The following F10 variants were observed in gnomAD, a reference collection of about 807,000 sequenced individuals.
F10 encodes coagulation factor X, also known as Stuart-Prower factor.
F10 carries 29 observed loss-of-function variants against 37.1 expected under a neutral mutation model. That is an observed-to-expected ratio of 0.78 (90% CI 0.58 to 1.07). The LOEUF is 1.07. Ranked by LOEUF, F10 falls within the 50% of genes least tolerant of loss-of-function variation. The pLI is 0.00. For missense variants in F10, 539 were observed against 667.9 expected (o/e 0.81, Z 2.13); for synonymous variants, 262 against 268.6 (o/e 0.98, Z 0.24).
intron 2 of F10, chr13:113,131,734 G>C (rs572862937): frequency 6.6e-6 from 1 of 152,248 alleles, no homozygotes; most frequent in East Asian, 1.9e-4. Flanking sequence ...TCTCTAAGAG[G>C]GTCTCACTGA....
chr13:113,140,889 C>T, intron 4 of F10, 30 bp from the exon 5 acceptor site: 4 of 1,613,840 alleles, frequency 2.5e-6, no homozygotes, highest in Non-Finnish European at 3.4e-6. Context: ...CTCCAGCTGT[C>T]CCCAGAGCCA....
At chr13:113,129,700 C>A in intron 2 of F10, 88 bp downstream of exon 2, 1 of 1,567,192 alleles carries the variant, frequency 6.4e-7, no homozygotes, top group Non-Finnish European at 8.8e-7. Flanking sequence ...TCCAGGGGGG[C>A]GGCCTGGAGG....
At chr13:113,133,077 G>A (rs2036448036) in intron 2 of F10, among the ~76,000 whole-genome samples, 1 of 152,058 alleles carries the variant, frequency 6.6e-6, no homozygotes, top group Non-Finnish European at 1.5e-5. Context: ...AAATCTGTGG[G>A]ATGCAGCTAA....
chr13:113,143,701 G>GAA lies in F10; in HGVS notation c.503-150_503-149insAA. 9 of 1,157,478 alleles carry GAA rather than the reference G, an allele frequency of 7.8e-6. No individual in the cohort carries two copies. The highest frequency in any genetic ancestry group is 6.8e-5 in the South Asian group (4 of 58,912). The allele number at this position is 1,157,478 out of a possible 1,614,324, so 71.7% of individuals were successfully genotyped here. ...TGCAGATCCGACCCCTGCCGACGAC[G>GAA]TGGGGCCTCGCCCTGCAAGCCCGCT... On this transcript the variant is annotated intron_variant, in intron 5 of 7. Coordinates refer to ENST00000375559, the MANE Select transcript of F10 (RefSeq NM_000504.4). This position sits in a 1 kb window ranked among gnomAD's most constrained non-coding sequence, Gnocchi z 6.8.
chr13:113,145,957 C>A (rs537831341), intron 6 of F10, among the ~76,000 whole-genome samples: 1 of 152,284 alleles, frequency 6.6e-6, no homozygotes, highest in African/African-American at 2.4e-5. Flanking sequence ...TTTTCTCTGG[C>A]AATCCTCACT....
rs1566922905 is a variant in F10, at chr13:113,149,414, T to C, written c.1364T>C (p.Val455Ala). The C allele has an allele frequency of 1.2e-6, 2 of 1,613,222 alleles. No individual in the cohort carries two copies. The highest frequency in any genetic ancestry group is 1.7e-6 in the Non-Finnish European group (2 of 1,179,826). Reference protein sequence around the residue: ...RKGKYGIYTKVTAFLKWIDRS... With the variant: ...RKGKYGIYTKATAFLKWIDRS... ...GGGAAGTACGGGATCTACACCAAGG[T>C]CACCGCCTTCCTCAAGTGGATCGAC... Residue 455 changes from valine (V) to alanine (A), a missense_variant, in exon 8 of 8, where the codon GTC becomes GCC. Physicochemically the swap from Val to Ala is moderately conservative, Grantham distance 64. This residue lies in a region of F10 where 409 missense variants were observed against 547.9 expected (regional missense o/e 0.75). Transcript: ENST00000375559. This position sits in a 1 kb window ranked among gnomAD's most constrained non-coding sequence, Gnocchi z 7.5.
Position 113,122,874 on chromosome 13 carries a change from C to A in F10, c.19C>A (p.Leu7Ile), listed in dbSNP as rs5963. 2.1e-5 allele frequency: 34 copies of A among 1,610,808 alleles called. No individual in the cohort carries two copies. The African/African-American group carries it at 4.3e-4, about 20-fold the overall frequency. MGRPLH[L>I]VLLSASLAGL... is the part of the protein sequence containing the mutation. ...CCACACCATGGGGCGCCCACTGCACCTCGTCCTGCTCAGTGCCTCCCTGGC... is the reference window on the plus strand; with the variant it reads ...CCACACCATGGGGCGCCCACTGCACATCGTCCTGCTCAGTGCCTCCCTGGC... Residue 7 changes from leucine (L) to isoleucine (I), a missense_variant, in exon 1 of 8, where the codon CTC becomes ATC. By Grantham distance (5) the Leu-to-Ile change is conservative. This residue lies in a region of F10 where 130 missense variants were observed against 120.0 expected (regional missense o/e 1.08). Coordinates refer to ENST00000375559, the MANE Select transcript of F10 (RefSeq NM_000504.4).
intron 1 of F10, among the ~76,000 whole-genome samples, chr13:113,124,793 T>C (rs2036355270): frequency 6.6e-6 from 1 of 152,196 alleles, no homozygotes; most frequent in African/African-American, 2.4e-5. Context: ...AACAGAAACA[T>C]TTCTCCCACA....
At position 113,144,979 on chromosome 13, in the gene F10, T is replaced by C. The variant is rs557047182; in HGVS notation, c.747+884T>C. ...CTGCAACCTCCACCTCCCAGGTTCATGTCATTCTCCTGCTTCAGCCTCCCG... is the reference window on the plus strand; with the variant it reads ...CTGCAACCTCCACCTCCCAGGTTCACGTCATTCTCCTGCTTCAGCCTCCCG... On this transcript the variant is annotated intron_variant, in intron 6 of 7. Coordinates refer to ENST00000375559, the MANE Select transcript of F10 (RefSeq NM_000504.4). This position sits in a 1 kb window ranked among gnomAD's most constrained non-coding sequence, Gnocchi z 6.4. Among the ~76,000 whole-genome samples, 89 of 152,042 alleles carry C rather than the reference T, an allele frequency of 5.9e-4. No homozygotes were observed. The highest frequency in any genetic ancestry group is 6.5e-4 in the Non-Finnish European group (44 of 67,960).
chr13:113,148,379 T>TATACATATATATATATACAC, intron 7 of F10, among the ~76,000 whole-genome samples: 1 of 41,522 alleles, frequency 2.4e-5, no homozygotes, highest in Non-Finnish European at 5.0e-5. Context: ...TATATATGTG[T>TATACATATATATATATACAC]ATATATATAT....
intron 5 of F10, among the ~76,000 whole-genome samples, chr13:113,142,554 C>T (rs1165829880): frequency 2.0e-5 from 2 of 99,400 alleles, no homozygotes; most frequent in Non-Finnish European, 4.0e-5. Context: ...GAGACTCTGT[C>T]TCAAAAAAAA....
At position 113,149,431 on chromosome 13, in the gene F10, T is replaced by C. The variant is rs1187530221; in HGVS notation, c.1381T>C (p.Trp461Arg). The change falls in exon 8 of 8, where the codon TGG becomes CGG. Residue 461 changes from tryptophan (W) to arginine (R), a missense_variant. By Grantham distance (101) the Trp-to-Arg change is moderately radical. This residue lies in a region of F10 where 409 missense variants were observed against 547.9 expected (regional missense o/e 0.75). Coordinates refer to ENST00000375559, the MANE Select transcript of F10 (RefSeq NM_000504.4). The surrounding 1 kb of genome is among the most constrained non-coding windows in gnomAD (Gnocchi z 7.5). ...IYTKVTAFLK[W>R]IDRSMKTRGL... ...CACCAAGGTCACCGCCTTCCTCAAGTGGATCGACAGGTCCATGAAAACCAG... is the reference window on the plus strand; with the variant it reads ...CACCAAGGTCACCGCCTTCCTCAAGCGGATCGACAGGTCCATGAAAACCAG... 1 of 1,613,196 alleles carries C rather than the reference T, an allele frequency of 6.2e-7. No homozygotes were observed. Among genetic ancestry groups the C allele is most frequent in the Non-Finnish European group, 8.5e-7 (1 of 1,179,906 alleles).
intron 2 of F10, among the ~76,000 whole-genome samples, chr13:113,132,634 G>C (rs1182844158): frequency 6.6e-6 from 1 of 152,184 alleles, no homozygotes; most frequent in African/African-American, 2.4e-5. Context: ...GCTATTTGAC[G>C]ACCCTAAAAA....
Position 113,129,540 on chromosome 13 carries a change from C to A in F10, c.159C>A (p.Leu53=). 6.2e-7 allele frequency: 1 copy of A among 1,614,136 alleles called. No individual in the cohort carries two copies. Among genetic ancestry groups the A allele is most frequent in the Non-Finnish European group, 8.5e-7 (1 of 1,180,020 alleles). Residue 53 remains leucine, a synonymous_variant, in exon 2 of 8, where the codon CTC becomes CTA. Transcript: ENST00000375559. ...TTGAAGAGATGAAGAAAGGACACCT[C>A]GAAAGAGAGTGCATGGAAGAGACCT... The part of the protein sequence containing the change: ...SFLEEMKKGH[L]ERECMEETCS...
chr13:113,140,409 G>A, intron 4 of F10: 1 of 423,652 alleles, frequency 2.4e-6, no homozygotes, highest in Non-Finnish European at 4.8e-6. Flanking sequence ...TGTGTTCTTA[G>A]ATTGGATTAC....
chr13:113,130,155 G>A (rs1487350346), intron 2 of F10: 1 of 196,482 alleles, frequency 5.1e-6, no homozygotes, highest in Non-Finnish European at 1.1e-5. Flanking sequence ...CGCCTGCGCA[G>A]CAAAAGGACA....
At chr13:113,135,340 C>T (rs1034658983) in intron 2 of F10, among the ~76,000 whole-genome samples, 2 of 151,916 alleles carry the variant, frequency 1.3e-5, no homozygotes, top group Non-Finnish European at 2.9e-5. Context: ...ATAGATCAGA[C>T]TGGGTAAATT....
At chr13:113,138,677 T>C (rs2036500716) in intron 3 of F10, among the ~76,000 whole-genome samples, 196 bp downstream of exon 3, 1 of 152,260 alleles carries the variant, frequency 6.6e-6, no homozygotes, top group African/African-American at 2.4e-5. Flanking sequence ...AGTTTTGTTA[T>C]TGAGTTAGAG....
At chr13:113,135,954 AT>A (rs1389615281) in intron 2 of F10, among the ~76,000 whole-genome samples, 40 of 152,314 alleles carry the variant, frequency 2.6e-4, no homozygotes, top group Non-Finnish European at 5.6e-4. Context: ...GAGGATGAAA[AT>A]ACAAGCTACA....
Sources: allele counts gnomAD v4.1 joint callset (sites outside exome capture counted in the v4.1 genomes callset), GRCh38; gene constraint gnomAD v4.1.1; regional missense constraint gnomAD v4.1.1; non-coding constraint Gnocchi (gnomAD v3.1); transcripts MANE v1.5; gene names NCBI Gene and HGNC (gene_info 2026-07-23, HGNC 2026-07-21).